CNIH3: variants seen among roughly 807,000 people sequenced by gnomAD.
The protein encoded by CNIH3 is protein cornichon homolog 3.
In CNIH3, 14 loss-of-function variants were observed where a neutral mutation model predicts 24.1. The ratio of observed to expected loss-of-function variants is 0.58; its 90% CI spans 0.38 to 0.91. CNIH3 has a LOEUF of 0.91. Ranked by LOEUF, CNIH3 falls within the 40% of genes least tolerant of loss-of-function variation. The pLI, the probability that CNIH3 is intolerant of heterozygous loss-of-function variation, is 0.00. For missense variants in CNIH3, 178 were observed against 196.8 expected, an observed-to-expected ratio of 0.90 and a Z score of 0.57; for synonymous variants, 68 against 73.8, an observed-to-expected ratio of 0.92 and a Z score of 0.40.
intron 3 of CNIH3, among the ~76,000 whole-genome samples, chr1:224,689,528 C>T (rs898940635): frequency 6.6e-6 from 1 of 152,200 alleles, no homozygotes; most frequent in East Asian, 1.9e-4. Context: ...CCGTCTCTCT[C>T]GTTTTGAATG....
chr1:224,698,954 A>G (rs1213827441), intron 3 of CNIH3, among the ~76,000 whole-genome samples: 1 of 152,136 alleles, frequency 6.6e-6, no homozygotes, highest in Non-Finnish European at 1.5e-5. Context: ...TTCTTACCAC[A>G]CTGCTGTGAT....
At chr1:224,682,404 C>G (rs1163823450) in intron 2 of CNIH3, among the ~76,000 whole-genome samples, 2 of 152,162 alleles carry the variant, frequency 1.3e-5, no homozygotes, top group African/African-American at 4.8e-5. Flanking sequence ...CCCTGTGTTG[C>G]CTCTTTAAGA....
chr1:224,688,737 C>T (rs12062831), intron 3 of CNIH3, among the ~76,000 whole-genome samples: 38,680 of 151,738 alleles, frequency 0.25, 5,129 homozygotes, highest in East Asian at 0.39. Flanking sequence ...CACCTGAGGT[C>T]GGTGACCAGC....
intron 1 of CNIH3, among the ~76,000 whole-genome samples, chr1:224,649,120 C>A (rs757208140): frequency 6.6e-6 from 1 of 152,204 alleles, no homozygotes; most frequent in Non-Finnish European, 1.5e-5. Context: ...GAGACTGTTA[C>A]ATCTGGAAAG....
intron 3 of CNIH3, among the ~76,000 whole-genome samples, chr1:224,608,642 G>A (rs551665149): frequency 2.0e-5 from 3 of 152,302 alleles, no homozygotes; most frequent in South Asian, 4.1e-4. Flanking sequence ...AGGGCACGGC[G>A]CCGGGCTGTC....
At chr1:224,608,047 T>A (rs1480103503) in intron 3 of CNIH3, among the ~76,000 whole-genome samples, 1 of 152,192 alleles carries the variant, frequency 6.6e-6, no homozygotes, top group East Asian at 1.9e-4. Context: ...TGCAGCAACC[T>A]CAATTCTTGC....
chr1:224,595,492 G>A (rs1320721034), intron 3 of CNIH3, among the ~76,000 whole-genome samples: 5 of 152,098 alleles, frequency 3.3e-5, no homozygotes, highest in Non-Finnish European at 5.9e-5. Context: ...CCTTTTCCTT[G>A]GACCTTTCTT....
rs1421736176 is a variant in CNIH3 at position 224,453,345 on chromosome 1, ATTTTTTC to A, written n.203+18497_203+18503del. Among the ~76,000 whole-genome samples, 4 of 150,068 alleles carry A rather than the reference ATTTTTTC, an allele frequency of 2.7e-5. No individual in the cohort carries two copies. In the East Asian group the frequency reaches 7.9e-4, roughly 30 times the overall value. ...CAGACATGAGCCACCATGCCTGGCC[ATTTTTTC>A]TTTTTTCTTTTTTTTTGTAGAAACG... On this transcript the variant is annotated intron_variant and non_coding_transcript_variant, in intron 1 of 5. Transcript: ENST00000471578.
rs561084856 is a variant in CNIH3, at chr1:224,703,537, G to A, written c.198+18694G>A. Among the ~76,000 whole-genome samples, 107 of 152,276 alleles carry A rather than the reference G, an allele frequency of 7.0e-4. 1 individual carries two copies. Among genetic ancestry groups the A allele is most frequent in the Admixed American group, 6.3e-3 (97 of 15,296 alleles). The stretch of plus-strand genomic sequence containing the variant: ...AGTGCCCTAGGGAGCATTTTGCAGT[G>A]TTAGTTATCATGGTTAGGGCGCTGA... On this transcript the variant is annotated intron_variant, in intron 3 of 5. Transcript: ENST00000272133. This position sits in a 1 kb window ranked among gnomAD's most constrained non-coding sequence, Gnocchi z 4.2.
intron 1 of CNIH3, among the ~76,000 whole-genome samples, chr1:224,636,490 C>T (rs1344895934): frequency 1.3e-5 from 2 of 152,246 alleles, no homozygotes; most frequent in Non-Finnish European, 2.9e-5. Flanking sequence ...GAGCTTACAT[C>T]AGACAAGCTA....
upstream of CNIH3, among the ~76,000 whole-genome samples, chr1:224,513,363 AG>A (rs1393338672): frequency 0.093 from 5,013 of 53,826 alleles, 287 homozygotes; most frequent in African/African-American, 0.3. Context: ...TGGGGGTGGG[AG>A]GGGGGGGGTC....
intron 3 of CNIH3, among the ~76,000 whole-genome samples, chr1:224,689,649 T>C (rs1686835593): frequency 6.6e-6 from 1 of 152,164 alleles, no homozygotes; most frequent in African/African-American, 2.4e-5. Context: ...TCCAAGAATT[T>C]CTTGGAACGA....
intron 3 of CNIH3, among the ~76,000 whole-genome samples, chr1:224,547,623 C>A (rs1048764554): frequency 3.3e-5 from 5 of 151,858 alleles, no homozygotes; most frequent in Middle Eastern, 3.4e-3. Context: ...TGCGTGTACA[C>A]CCCGTGATAT....
chr1:224,638,625 T>G (rs1043050294), intron 1 of CNIH3, among the ~76,000 whole-genome samples: 3 of 152,182 alleles, frequency 2.0e-5, no homozygotes, highest in African/African-American at 4.8e-5. Flanking sequence ...CATCCCTAGA[T>G]GTTATCTCTC....
chr1:224,434,768 T>G, exon 1 of CNIH3: 2 of 986,114 alleles, frequency 2.0e-6, no homozygotes, highest in South Asian at 9.1e-5. Context: ...CTCCCTGGTG[T>G]GTTGATTCTT....
chr1:224,650,230 T>A (rs544738232), intron 1 of CNIH3, among the ~76,000 whole-genome samples: 2 of 152,204 alleles, frequency 1.3e-5, no homozygotes, highest in East Asian at 3.9e-4. Flanking sequence ...CTGGATAACC[T>A]ATTCCAGGCT....
At chr1:224,537,586 G>T (rs971325308), downstream of CNIH3, 1 of 152,160 alleles carries the variant, frequency 6.6e-6, no homozygotes, top group African/African-American at 2.4e-5. Context: ...AAATCAAGCT[G>T]TGCCCCAACC....
chr1:224,702,240 C>T (rs368985786), intron 3 of CNIH3, among the ~76,000 whole-genome samples: 52 of 152,268 alleles, frequency 3.4e-4, no homozygotes, highest in Admixed American at 1.3e-3. Flanking sequence ...TCATAATATT[C>T]CATAGTACAC....
chr1:224,737,908 A>G (rs1446013344), intron 5 of CNIH3, among the ~76,000 whole-genome samples: 2 of 152,174 alleles, frequency 1.3e-5, no homozygotes, highest in Non-Finnish European at 2.9e-5. Flanking sequence ...TGCAGATACT[A>G]ATACTAGCTA....
Sources: allele counts gnomAD v4.1 joint callset (sites outside exome capture counted in the v4.1 genomes callset), GRCh38; gene constraint gnomAD v4.1.1; non-coding constraint Gnocchi (gnomAD v3.1); transcripts MANE v1.5; gene names NCBI Gene and HGNC (gene_info 2026-07-23, HGNC 2026-07-21).